The following WNK1 variants were observed in gnomAD, a reference collection of about 807,000 sequenced individuals.
WNK1 encodes the protein serine/threonine-protein kinase WNK1.
WNK1 carries 38 observed loss-of-function variants against 222.8 expected under a neutral mutation model. The ratio of observed to expected loss-of-function variants is 0.17; its 90% confidence interval spans 0.13 to 0.22. The LOEUF is 0.22. WNK1 is among the 10% of genes least tolerant of loss of function. WNK1 has a pLI of 1.00. For synonymous variants in WNK1, 1,090 were observed against 1,092.9 expected (o/e 1.00, Z 0.05); for missense variants, 2,348 against 2,918.4 (o/e 0.80, Z 4.50).
At position 884,339 on chromosome 12, in the gene WNK1, GATA is replaced by G. The variant is rs769377220; in HGVS notation, c.3844+101_3844+103del. ...TAAAGCAGTAATTTATGATGACACA[GATA>G]ATAAAAAAGAATAGAAAACTGAAGT... is the stretch of plus-strand genomic sequence containing the variant. On this transcript the variant is annotated intron_variant, in intron 18 of 27. Transcript: ENST00000315939. The surrounding 1 kb of genome is among the most constrained non-coding windows in gnomAD (Gnocchi z 5.6). 27 of 1,553,820 alleles carry G rather than the reference GATA, an allele frequency of 1.7e-5. No homozygotes were observed. The highest frequency in any genetic ancestry group is 2.4e-5 in the Non-Finnish European group (27 of 1,131,006).
rs753292846 is a variant in WNK1, at chr12:754,012, G to C, written c.447G>C (p.Ala149=). 4.4e-6 allele frequency: 7 copies of C among 1,587,104 alleles called. No individual in the cohort carries two copies. The highest frequency in any genetic ancestry group is 6.0e-6 in the Non-Finnish European group (7 of 1,167,198). ...CCGCCCCTGGGGAACAGGCCGTCGC[G>C]GGCCCTGCCCCCTCGACTGTCCCCA... is the stretch of plus-strand genomic sequence containing the variant. ...AAAAPGEQAV[A]GPAPSTVPSS... Residue 149 remains alanine, a synonymous_variant, in exon 1 of 28, where the codon GCG becomes GCC. Coordinates refer to ENST00000315939, the MANE Select transcript of WNK1 (RefSeq NM_018979.4).
intron 20 of WNK1, among the ~76,000 whole-genome samples, chr12:888,579 G>T (rs1476905005): frequency 6.6e-6 from 1 of 152,228 alleles, no homozygotes; most frequent in African/African-American, 2.4e-5. Flanking sequence ...GAAGCTGTGT[G>T]CTTGCGGTGG....
intron 24 of WNK1, among the ~76,000 whole-genome samples, 194 bp downstream of exon 24, chr12:896,926 ACACACACACACAC>A (rs1476926717): frequency 4.8e-4 from 41 of 85,230 alleles, no homozygotes; most frequent in African/African-American, 1.5e-3. Context: ...ACACACACAC[ACACACACACACAC>A]GATTCCCAAC....
Position 884,010 on chromosome 12 carries a change from A to G in WNK1, c.3722-111A>G, listed in dbSNP as rs1953428293. 1.4e-5 allele frequency: 22 copies of G among 1,544,400 alleles called. No individual in the cohort carries two copies. The South Asian group carries it at 2.4e-4, about 17-fold the overall frequency. On this transcript the variant is annotated intron_variant, in intron 17 of 27. Coordinates refer to ENST00000315939, the MANE Select transcript of WNK1 (RefSeq NM_018979.4). This position sits in a 1 kb window ranked among gnomAD's most constrained non-coding sequence, Gnocchi z 5.6. ...GCCACTGCACTCCAGCCTGGGTGAG[A>G]GAATGAGACCGTGCCTCAAAAAAAG...
intron 4 of WNK1, among the ~76,000 whole-genome samples, chr12:837,830 A>G (rs570771694): frequency 1.3e-5 from 2 of 152,322 alleles, no homozygotes; most frequent in Admixed American, 6.5e-5. Context: ...ATTTTATCAC[A>G]TGATAAAGAT....
At chr12:888,872 A>G (rs1380774563) in intron 20 of WNK1, among the ~76,000 whole-genome samples, 1 of 152,238 alleles carries the variant, frequency 6.6e-6, no homozygotes, top group Non-Finnish European at 1.5e-5. Flanking sequence ...TTTGAGTAAC[A>G]TCAAACATAG....
chr12:853,506 G>C (rs576182889), intron 4 of WNK1, among the ~76,000 whole-genome samples: 1 of 152,252 alleles, frequency 6.6e-6, no homozygotes, highest in South Asian at 2.1e-4. Context: ...ACCCAGATAC[G>C]ACATTTGAAT....
At chr12:793,541 TAG>T (rs1026448398) in intron 1 of WNK1, among the ~76,000 whole-genome samples, 1 of 152,094 alleles carries the variant, frequency 6.6e-6, no homozygotes, top group Non-Finnish European at 1.5e-5. Context: ...ATCAGGATAA[TAG>T]AGATTCATAT....
At chr12:875,746 C>T (rs559165963) in intron 9 of WNK1, among the ~76,000 whole-genome samples, 12 of 152,216 alleles carry the variant, frequency 7.9e-5, no homozygotes, top group Non-Finnish European at 1.8e-4. Flanking sequence ...ACTGCAGGAG[C>T]GTTCATAATT....
chr12:832,107 GCT>G (rs1391972779), intron 4 of WNK1, among the ~76,000 whole-genome samples: 5 of 151,736 alleles, frequency 3.3e-5, no homozygotes, highest in African/African-American at 1.2e-4. Context: ...ACGGCGTCTC[GCT>G]CTGTCGCCCA....
At chr12:864,123 T>TTTTTTTTTTTTTTTTC (rs71051398) in intron 8 of WNK1, among the ~76,000 whole-genome samples, 1 of 147,308 alleles carries the variant, frequency 6.8e-6, no homozygotes, top group Non-Finnish European at 1.5e-5. Context: ...TTTTTTTTTT[T>TTTTTTTTTTTTTTTTC]TTTTGACAGC....
In WNK1 at chr12:758,237, A is replaced by G. The variant is rs1349480568; in HGVS notation, c.759+3913A>G. Among the ~76,000 whole-genome samples, 3 of 145,378 alleles carry G rather than the reference A, an allele frequency of 2.1e-5. 1 individual carries two copies. Among genetic ancestry groups the G allele is most frequent in the Non-Finnish European group, 4.6e-5 (3 of 65,440 alleles). On this transcript the variant is annotated intron_variant, in intron 1 of 27. Coordinates refer to ENST00000315939, the MANE Select transcript of WNK1 (RefSeq NM_018979.4). ...GAAGCTCCAATATACTTAACTGCTT[A>G]TTTTTCTCTGTCTTTTATTAAGACT...
At chr12:773,339 C>A (rs1942756092) in intron 1 of WNK1, among the ~76,000 whole-genome samples, 1 of 151,988 alleles carries the variant, frequency 6.6e-6, no homozygotes, top group Non-Finnish European at 1.5e-5. Context: ...TGTGCCTTTT[C>A]CACTTCCTAC....
intron 2 of WNK1, among the ~76,000 whole-genome samples, chr12:825,447 C>G (rs1250103254): frequency 6.6e-6 from 1 of 152,146 alleles, no homozygotes; most frequent in Non-Finnish European, 1.5e-5. Flanking sequence ...ATGTAAAATA[C>G]AAGACCTTTG....
At chr12:907,127 G>A (rs1368750435) in intron 26 of WNK1, among the ~76,000 whole-genome samples, 1 of 150,386 alleles carries the variant, frequency 6.6e-6, no homozygotes, top group African/African-American at 2.4e-5. Context: ...CTTGAGACCA[G>A]CCTGGCCAAC....
chr12:878,063 T>C, intron 9 of WNK1, 149 bp from the exon 10 acceptor site: 1 of 963,114 alleles, frequency 1.0e-6, no homozygotes, highest in East Asian at 2.6e-5. Flanking sequence ...AAATATATAA[T>C]GGAAATTGAT....
In WNK1 at chr12:759,858, T is replaced by C. The variant is rs995804838; in HGVS notation, c.759+5534T>C. 1.1e-4 allele frequency among the ~76,000 whole-genome samples: 17 copies of C among 148,118 alleles called. 3 individuals carry two copies. The highest frequency in any genetic ancestry group is 2.3e-4 in the Non-Finnish European group (15 of 66,260). On this transcript the variant is annotated intron_variant, in intron 1 of 27. Transcript: ENST00000315939. ...AAAAAGAGTACCCATTTTATAGAGT[T>C]GTGCTGATTAAATGAATGAACATAT...
rs1176434937 is a variant in WNK1 at position 857,334 on chromosome 12, T to A, written c.1400+85T>A. 3 of 1,196,470 alleles carry A rather than the reference T, an allele frequency of 2.5e-6. No homozygotes were observed. In the African/African-American group the frequency reaches 4.6e-5, roughly 18 times the overall value. 74.1% of individuals were successfully genotyped at this position (1,196,470 alleles called of 1,614,324 possible). A position where few individuals can be genotyped will look rare whatever the true frequency, so the allele number is the denominator to read the frequency against. On this transcript the variant is annotated intron_variant, in intron 5 of 27. Coordinates refer to ENST00000315939, the MANE Select transcript of WNK1 (RefSeq NM_018979.4). ...TGAGTACAACACACATTCTACGGTG[T>A]ATTTAATATTTGTGATTGGTTTCTC...
At position 776,887 on chromosome 12, in the gene WNK1, C is replaced by G. The variant is rs184974256; in HGVS notation, c.759+22563C>G. ...AGAATGTGAACTATAGAGAATTGAC[C>G]CATAGTGCTATGTTTGAGTCATAAT... On this transcript the variant is annotated intron_variant, in intron 1 of 27. Transcript: ENST00000315939. 4.1e-3 allele frequency among the ~76,000 whole-genome samples: 625 copies of G among 152,034 alleles called. 3 individuals are homozygous for G. The highest frequency in any genetic ancestry group is 0.011 in the South Asian group (53 of 4,802).
Sources: gnomAD v4.1 joint callset for allele counts (sites outside exome capture counted in the v4.1 genomes callset) on GRCh38, gnomAD v4.1.1 for gene constraint, Gnocchi (gnomAD v3.1) non-coding constraint, MANE v1.5 for transcripts, NCBI Gene and HGNC (gene_info 2026-07-23, HGNC 2026-07-21) for gene names.